Variants in SIRT2 observed in about 807,000 individuals in gnomAD.
SIRT2 encodes the protein sirtuin 2.
SIRT2 carries 40 observed loss-of-function variants against 57.4 expected under a neutral mutation model. The ratio of observed to expected loss-of-function variants is 0.70; its 90% CI spans 0.54 to 0.91. The LOEUF is 0.91. Ranked by LOEUF, SIRT2 falls within the 40% of genes least tolerant of loss-of-function variation. The pLI, the probability that SIRT2 is intolerant of heterozygous loss-of-function variation, is 0.00. For synonymous variants in SIRT2, 161 were observed against 195.7 expected, an observed-to-expected ratio of 0.82 and a Z score of 1.48; for missense variants, 439 against 510.4, an observed-to-expected ratio of 0.86 and a Z score of 1.35.
intron 13 of SIRT2, chr19:38,879,965 A>G (rs1973089624): frequency 2.1e-6 from 1 of 486,022 alleles, no homozygotes; most frequent in African/African-American, 1.9e-5. Flanking sequence ...AGCCTGGATG[A>G]CAGGTGCCCA....
At position 38,893,863 on chromosome 19, in the gene SIRT2, G is replaced by A. The variant is rs758838464; in HGVS notation, c.68C>T (p.Ser23Leu). ...GGCTCCTCCCTCAGAGTCTGAATCT[G>A]AGTCCTGGAAGGGGTGGGGTGGAGT... ...QAGKVQEAQD[S>L]DSDSEGGAAG... is the part of the protein sequence containing the mutation. Residue 23 changes from serine to leucine, a missense_variant, in exon 3 of 16, where the codon TCA becomes TTA. By Grantham distance (145) the Ser-to-Leu change is moderately radical (BLOSUM62 -2). Transcript: ENST00000249396. 2 of 1,614,116 alleles carry A rather than the reference G, an allele frequency of 1.2e-6. No homozygotes were observed. The highest frequency in any genetic ancestry group is 3.3e-5 in the Admixed American group (2 of 60,016).
intron 1 of SIRT2, 53 bp from the exon 2 acceptor site, chr19:38,898,478 A>G: frequency 8.4e-7 from 1 of 1,197,372 alleles, no homozygotes; most frequent in Non-Finnish European, 1.1e-6. Flanking sequence ...TAAGGGGGGA[A>G]TAAAGGGGTT....
chr19:38,885,317 C>T (rs554853434), intron 8 of SIRT2, among the ~76,000 whole-genome samples: 69 of 151,462 alleles, frequency 4.6e-4, no homozygotes, highest in African/African-American at 1.6e-3. Flanking sequence ...TTTGCCCGGG[C>T]TGGTCTTGAA....
intron 2 of SIRT2, 66 bp downstream of exon 2, chr19:38,898,312 TC>T (rs1302674702): frequency 1.1e-5 from 14 of 1,254,720 alleles, no homozygotes; most frequent in South Asian, 6.1e-5. Context: ...CTTTGCCACC[TC>T]CCCCCAGTGT....
chr19:38,896,875 C>G (rs1210029971), intron 2 of SIRT2, among the ~76,000 whole-genome samples: 1 of 152,212 alleles, frequency 6.6e-6, no homozygotes, highest in Non-Finnish European at 1.5e-5. Context: ...GGCACTCTTT[C>G]AGGCTGTACA....
intron 9 of SIRT2, among the ~76,000 whole-genome samples, chr19:38,883,212 C>G (rs1015629170): frequency 3.3e-5 from 5 of 151,346 alleles, no homozygotes; most frequent in African/African-American, 1.2e-4. Flanking sequence ...TCCTGAGTAG[C>G]TGGGATTACA....
At position 38,879,101 on chromosome 19, in the gene SIRT2, T is replaced by A; in HGVS notation, c.*54A>T. ...CTGGTTAAGAGGGGGCCAGGCCCGG[T>A]TGGGGCTCAGCTGTCCCTGAGGAGC... On this transcript the variant is annotated 3_prime_UTR_variant, in exon 16 of 16. Coordinates refer to ENST00000249396, the MANE Select transcript of SIRT2 (RefSeq NM_012237.4). The A allele has an allele frequency of 6.6e-7, 1 of 1,506,798 alleles. No individual in the cohort carries two copies. The highest frequency in any genetic ancestry group is 2.4e-5 in the Admixed American group (1 of 42,140). The allele number at this position is 1,506,798 out of a possible 1,614,324, so 93.3% of individuals were successfully genotyped here. A position where few individuals can be genotyped will look rare whatever the true frequency, so the allele number is the denominator to read the frequency against.
chr19:38,890,364 A>C (rs1235753608), intron 4 of SIRT2, among the ~76,000 whole-genome samples: 1 of 152,210 alleles, frequency 6.6e-6, no homozygotes, highest in South Asian at 2.1e-4. Flanking sequence ...AAGTCACACA[A>C]TCAACTGCGG....
At chr19:38,891,962 G>A in intron 4 of SIRT2, 1 of 468,644 alleles carries the variant, frequency 2.1e-6, no homozygotes, top group South Asian at 1.6e-5. Context: ...GGGAGACAGT[G>A]GCAGCTGGAG....
chr19:38,881,542 G>A (rs372713104), intron 9 of SIRT2, 51 bp from the exon 10 acceptor site: 63 of 1,487,602 alleles, frequency 4.2e-5, no homozygotes, highest in African/African-American at 2.8e-4. Context: ...GATCTGGGCC[G>A]GAGTCTGGAG....
intron 4 of SIRT2, among the ~76,000 whole-genome samples, chr19:38,892,649 C>T (rs927292500): frequency 1.3e-5 from 2 of 152,124 alleles, no homozygotes; most frequent in Admixed American, 6.5e-5. Context: ...TCATAGCTCA[C>T]TGCAGCCTCC....
rs200562565 is a variant in SIRT2, at chr19:38,881,064, C to T, written c.747+36G>A. ...TGGGGCCCAGCACAGGTGGAGGCGGCGGTTGGGGATGCGGGGAGGCTGGGG... is the reference window on the plus strand; with the variant it reads ...TGGGGCCCAGCACAGGTGGAGGCGGTGGTTGGGGATGCGGGGAGGCTGGGG... On this transcript the variant is annotated intron_variant, in intron 11 of 15. Transcript: ENST00000249396. 1.5e-4 allele frequency: 237 copies of T among 1,603,312 alleles called. No homozygotes were observed. The African/African-American group carries it at 2.6e-3, about 18-fold the overall frequency.
At position 38,880,471 on chromosome 19, in the gene SIRT2, C is replaced by T. The variant is rs910462384; in HGVS notation, c.876+214G>A. 8.2e-5 allele frequency: 40 copies of T among 487,604 alleles called. No homozygotes were observed. Among genetic ancestry groups the T allele is most frequent in the South Asian group, 5.7e-4 (14 of 24,436 alleles). The allele number at this position is 487,604 out of a possible 1,614,324, so 30.2% of individuals were successfully genotyped here. On this transcript the variant is annotated intron_variant, in intron 13 of 15. Transcript: ENST00000249396. The surrounding 1 kb of genome is among the most constrained non-coding windows in gnomAD (Gnocchi z 4.1). ...CTGGAAGCCCGGCCTTCCTATCTGG[C>T]TTCAGCTGGTTTGAGTTGGAATTCT...
At position 38,899,523 on chromosome 19, in the gene SIRT2, G is replaced by C; in HGVS notation, c.-2C>G. 1 of 1,613,766 alleles carries C rather than the reference G, an allele frequency of 6.2e-7. No individual in the cohort carries two copies. The highest frequency in any genetic ancestry group is 8.5e-7 in the Non-Finnish European group (1 of 1,179,984). On this transcript the variant is annotated 5_prime_UTR_variant, in exon 1 of 16. Transcript: ENST00000249396. ...CGACTCACGGTCTGGCTCTGCCATG[G>C]GCGCGGTGCTGAAGCCCTTGAGGCT...
intron 8 of SIRT2, among the ~76,000 whole-genome samples, chr19:38,884,683 G>A (rs1215869133): frequency 2.0e-5 from 3 of 152,026 alleles, no homozygotes; most frequent in Non-Finnish European, 2.9e-5. Flanking sequence ...TCTGGACCTC[G>A]TGATTTGCTT....
intron 4 of SIRT2, among the ~76,000 whole-genome samples, chr19:38,893,028 G>T (rs1425902451): frequency 6.6e-6 from 1 of 152,092 alleles, no homozygotes. Context: ...CAGAGGCATG[G>T]GGGCAGGCAT....
chr19:38,897,949 G>A (rs893171554), intron 2 of SIRT2, among the ~76,000 whole-genome samples: 3 of 152,046 alleles, frequency 2.0e-5, no homozygotes, highest in African/African-American at 4.8e-5. Context: ...AGCGATCCTC[G>A]CGCCTCAGTC....
intron 5 of SIRT2, 35 bp downstream of exon 5, chr19:38,890,068 C>G (rs1355212026): frequency 6.2e-7 from 1 of 1,614,104 alleles, no homozygotes; most frequent in Admixed American, 1.7e-5. Flanking sequence ...TCCCCAGTTC[C>G]TGGGGGTAGC....
intron 8 of SIRT2, among the ~76,000 whole-genome samples, chr19:38,884,453 TTTGTTTG>T (rs1973262305): frequency 6.6e-6 from 1 of 151,826 alleles, no homozygotes; most frequent in African/African-American, 2.4e-5. Flanking sequence ...TGTTTGTTTG[TTTGTTTG>T]TTTTTTGAGA....
Sources: gnomAD v4.1 joint callset for allele counts (sites outside exome capture counted in the v4.1 genomes callset) on GRCh38, gnomAD v4.1.1 for gene constraint, Gnocchi (gnomAD v3.1) non-coding constraint, MANE v1.5 for transcripts, NCBI Gene and HGNC (gene_info 2026-07-23, HGNC 2026-07-21) for gene names.